The following POGLUT1 variants were observed in gnomAD, a reference collection of about 807,000 sequenced individuals.
POGLUT1 encodes protein O-glucosyltransferase 1.
A neutral mutation model predicts 61.3 loss-of-function variants in POGLUT1; 32 were observed. The observed-to-expected ratio is 0.52, with a 90% CI of 0.39 to 0.70. The LOEUF (loss-of-function observed/expected upper bound fraction) is 0.70, where lower values mean the gene tolerates loss of function less well. Ranked by LOEUF, POGLUT1 falls within the 30% of genes least tolerant of loss-of-function variation. POGLUT1 has a pLI of 0.00. For missense variants in POGLUT1, 411 were observed against 469.8 expected, an observed-to-expected ratio of 0.87 and a Z score of 1.16; for synonymous variants, 158 against 158.2, an observed-to-expected ratio of 1.00 and a Z score of 0.01.
At chr3:119,470,883 G>C (rs1176890519) in intron 2 of POGLUT1, among the ~76,000 whole-genome samples, 1 of 152,234 alleles carries the variant, frequency 6.6e-6, no homozygotes, top group African/African-American at 2.4e-5. Context: ...CGCTACCAGA[G>C]TAAGGGCTTG....
intron 2 of POGLUT1, among the ~76,000 whole-genome samples, chr3:119,470,468 C>T (rs1243941711): frequency 5.3e-5 from 8 of 152,238 alleles, no homozygotes; most frequent in Admixed American, 1.3e-4. Flanking sequence ...CCCAGCTACT[C>T]GGGAGGCTGA....
chr3:119,478,253 A>G (rs1320155743), intron 4 of POGLUT1: 5 of 426,750 alleles, frequency 1.2e-5, no homozygotes, highest in Non-Finnish European at 2.3e-5. Context: ...GAAAAGGAAC[A>G]CTATTTCTGA....
rs2081760371 is a variant in POGLUT1 at position 119,492,390 on chromosome 3, G to C, written c.1131G>C (p.Arg377Ser). The change falls in exon 11 of 11, where the codon AGG becomes AGC. Residue 377 changes from arginine (R) to serine (S), a missense_variant. Transcript: ENST00000295588. ...SKFLSYNVTRRKGYDQIIPKM... is the reference protein window; with the variant it reads ...SKFLSYNVTRSKGYDQIIPKM... Reference sequence around the variant, plus strand: ...TCCTGTCTTATAATGTAACGAGAAGGAAAGGTTATGATCAAATTATTCCCA... The same window carrying C: ...TCCTGTCTTATAATGTAACGAGAAGCAAAGGTTATGATCAAATTATTCCCA... 8 of 1,606,466 alleles carry C rather than the reference G, an allele frequency of 5.0e-6. No individual in the cohort carries two copies. The highest frequency in any genetic ancestry group is 6.0e-6 in the Non-Finnish European group (7 of 1,174,916).
At chr3:119,482,540 C>T (rs890575311) in intron 5 of POGLUT1, among the ~76,000 whole-genome samples, 1 of 152,144 alleles carries the variant, frequency 6.6e-6, no homozygotes, top group African/African-American at 2.4e-5. Context: ...AATTTTTAGG[C>T]AGATAGAATG....
At position 119,471,464 on chromosome 3, in the gene POGLUT1, C is replaced by T. The variant is rs777880478; in HGVS notation, c.320+12C>T. ...ATGTTCCCCTCAAGGTAAGAGTTAA[C>T]GAGGTAGATATATCTTCTGACTTTA... On this transcript the variant is annotated intron_variant, in intron 3 of 10. Coordinates refer to ENST00000295588, the MANE Select transcript of POGLUT1 (RefSeq NM_152305.3). 17 of 1,612,322 alleles carry T rather than the reference C, an allele frequency of 1.1e-5. No individual in the cohort carries two copies. The highest frequency in any genetic ancestry group is 1.4e-5 in the Non-Finnish European group (16 of 1,178,774).
chr3:119,490,637 A>G lies in POGLUT1; in HGVS notation c.884A>G (p.Asp295Gly). 6.2e-7 allele frequency: 1 copy of G among 1,614,094 alleles called. No homozygotes were observed. Among genetic ancestry groups the G allele is most frequent in the Non-Finnish European group, 8.5e-7 (1 of 1,179,950 alleles). Reference sequence around the variant, plus strand: ...GGCTCACTTGTTTTCCATGTTGGTGATGAGTGGCTAGAATTCTTCTATCCA... The same window carrying G: ...GGCTCACTTGTTTTCCATGTTGGTGGTGAGTGGCTAGAATTCTTCTATCCA... Reference protein sequence around the residue: ...LCGSLVFHVGDEWLEFFYPQL... With the variant: ...LCGSLVFHVGGEWLEFFYPQL... The change falls in exon 9 of 11, where the codon GAT becomes GGT. Residue 295 changes from aspartate (D) to glycine (G), a missense_variant. Asp to Gly is a moderately conservative substitution (Grantham distance 94). Transcript: ENST00000295588.
At chr3:119,475,897 G>A (rs2081530241) in intron 3 of POGLUT1, among the ~76,000 whole-genome samples, 1 of 151,310 alleles carries the variant, frequency 6.6e-6, no homozygotes, top group Non-Finnish European at 1.5e-5. Flanking sequence ...GAGGTGGGAG[G>A]ATCACTTGAG....
chr3:119,488,009 A>G (rs902924541), intron 7 of POGLUT1: 1 of 152,230 alleles, frequency 6.6e-6, no homozygotes, highest in Non-Finnish European at 1.5e-5. Flanking sequence ...CAAAGAAATT[A>G]AAGCCCTAAA....
intron 2 of POGLUT1, among the ~76,000 whole-genome samples, chr3:119,470,480 G>A (rs2081457445): frequency 6.6e-6 from 1 of 152,202 alleles, no homozygotes; most frequent in African/African-American, 2.4e-5. Context: ...GGAGGCTGAG[G>A]CAGGAGAATC....
rs562123144 is a variant in POGLUT1, at chr3:119,471,515, A to G, written c.320+63A>G. 4 of 1,446,566 alleles carry G rather than the reference A, an allele frequency of 2.8e-6. No individual in the cohort carries two copies. In the East Asian group the frequency reaches 9.1e-5, roughly 33 times the overall value. 89.6% of individuals were successfully genotyped at this position (1,446,566 alleles called of 1,614,324 possible). On this transcript the variant is annotated intron_variant, in intron 3 of 10. Transcript: ENST00000295588. ...TTACATATGGGCTTGATACCCTTTTATAGAGGAGCCAATTCATGGGACTAA... is the reference window on the plus strand; with the variant it reads ...TTACATATGGGCTTGATACCCTTTTGTAGAGGAGCCAATTCATGGGACTAA...
intron 3 of POGLUT1, among the ~76,000 whole-genome samples, chr3:119,474,698 G>T (rs1366518001): frequency 2.0e-5 from 3 of 152,096 alleles, no homozygotes; most frequent in Non-Finnish European, 2.9e-5. Flanking sequence ...ATTTAGCCAG[G>T]CATGGTGGCA....
chr3:119,481,277 T>A (rs144572605), intron 5 of POGLUT1, among the ~76,000 whole-genome samples: 1 of 152,314 alleles, frequency 6.6e-6, no homozygotes, highest in African/African-American at 2.4e-5. Flanking sequence ...GAGACATGCC[T>A]TGGCCTGTTG....
intron 3 of POGLUT1, chr3:119,471,947 T>C (rs1284431673): frequency 3.0e-5 from 5 of 167,402 alleles, no homozygotes; most frequent in Non-Finnish European, 5.1e-5. Context: ...AGTTGGATTA[T>C]GGCAAATAAT....
chr3:119,489,055 G>A (rs2081707555), intron 8 of POGLUT1, 68 bp downstream of exon 8: 4 of 877,504 alleles, frequency 4.6e-6, no homozygotes, highest in South Asian at 1.6e-5. Flanking sequence ...CACTTTGGGT[G>A]AGAACTTTAA....
chr3:119,494,631 C>T lies in POGLUT1; in HGVS notation c.*2193C>T, dbSNP rs2081793473. ...AGTCCCAAACTTACCCTTTCCTTTTCAGAGAGCTAATGGCCATGCTTTTCT... is the reference window on the plus strand; with the variant it reads ...AGTCCCAAACTTACCCTTTCCTTTTTAGAGAGCTAATGGCCATGCTTTTCT... On this transcript the variant is annotated 3_prime_UTR_variant, in exon 11 of 11. Coordinates refer to ENST00000295588, the MANE Select transcript of POGLUT1 (RefSeq NM_152305.3). 6.6e-6 allele frequency: 1 copy of T among 152,628 alleles called. No homozygotes were observed. Among genetic ancestry groups the T allele is most frequent in the South Asian group, 2.1e-4 (1 of 4,826 alleles). The allele number at this position is 152,628 out of a possible 1,614,324, so 9.5% of individuals were successfully genotyped here. A position where few individuals can be genotyped will look rare whatever the true frequency, so the allele number is the denominator to read the frequency against.
At chr3:119,479,969 C>T in intron 4 of POGLUT1, 82 bp from the exon 5 acceptor site, 2 of 1,599,026 alleles carry the variant, frequency 1.3e-6, no homozygotes, top group Non-Finnish European at 1.7e-6. Context: ...CCAAGGCTGT[C>T]CAGATCCTGT....
rs951633809 is a variant in POGLUT1, at chr3:119,494,001, G to C, written c.*1563G>C. On this transcript the variant is annotated 3_prime_UTR_variant, in exon 11 of 11. Coordinates refer to ENST00000295588, the MANE Select transcript of POGLUT1 (RefSeq NM_152305.3). Reference sequence around the variant, plus strand: ...TCTCATTAAAATAGGAACAAAATTTGCTATCCTTTAGATTAGGAGCTGAAG... The same window carrying C: ...TCTCATTAAAATAGGAACAAAATTTCCTATCCTTTAGATTAGGAGCTGAAG... The C allele has an allele frequency of 2.0e-5, 3 of 151,974 alleles. No homozygotes were observed. The highest frequency in any genetic ancestry group is 2.4e-5 in the African/African-American group (1 of 41,366). The allele number at this position is 151,974 out of a possible 1,614,324, so 9.4% of individuals were successfully genotyped here.
chr3:119,469,185 G>A (rs1577074193), intron 1 of POGLUT1, 79 bp downstream of exon 1: 7 of 1,176,636 alleles, frequency 5.9e-6, no homozygotes, highest in Non-Finnish European at 7.3e-6. Flanking sequence ...CCGCGCGGCC[G>A]GCTCCCGGGA....
intron 7 of POGLUT1, 148 bp from the exon 8 acceptor site, chr3:119,488,781 T>G (rs2081703425): frequency 9.3e-6 from 4 of 432,054 alleles, no homozygotes; most frequent in Admixed American, 7.1e-5. Flanking sequence ...TCTGCATTTA[T>G]ATAATGGGAA....
Sources: allele counts gnomAD v4.1 joint callset (sites outside exome capture counted in the v4.1 genomes callset), GRCh38; gene constraint gnomAD v4.1.1; transcripts MANE v1.5; gene names NCBI Gene and HGNC (gene_info 2026-07-23, HGNC 2026-07-21).